RAMP3: variants seen among roughly 807,000 people sequenced by gnomAD.
RAMP3 encodes the protein receptor activity modifying protein 3.
RAMP3 carries 14 observed loss-of-function variants against 13.5 expected under a neutral mutation model. The ratio of observed to expected loss-of-function variants is 1.04; its 90% CI spans 0.69 to 1.63. The LOEUF is 1.63. RAMP3 is among the 40% of genes most tolerant of loss of function. RAMP3 has a pLI of 0.00. For synonymous variants in RAMP3, 106 were observed against 88.3 expected, an observed-to-expected ratio of 1.20 and a Z score of -1.12; for missense variants, 200 against 204.8, an observed-to-expected ratio of 0.98 and a Z score of 0.14.
At chr7:45,177,855 C>A (rs1279539185) in intron 2 of RAMP3, among the ~76,000 whole-genome samples, 1 of 152,228 alleles carries the variant, frequency 6.6e-6, no homozygotes, top group African/African-American at 2.4e-5. Context: ...GGAATCCTCC[C>A]CATGCCTGCT....
rs1786070756 is a variant in RAMP3 at position 45,170,991 on chromosome 7, A to G, written c.59-6318A>G. 1.3e-5 allele frequency among the ~76,000 whole-genome samples: 2 copies of G among 151,716 alleles called. 1 individual carries two copies. Among genetic ancestry groups the G allele is most frequent in the South Asian group, 4.2e-4 (2 of 4,814 alleles). ...TTTCTCCAAGTACTGTTTTAGCTGC[A>G]TCTCTCTAAGTTTTGGTATGTTGTG... On this transcript the variant is annotated intron_variant, in intron 1 of 2. Coordinates refer to ENST00000242249, the MANE Select transcript of RAMP3 (RefSeq NM_005856.3).
In RAMP3 at chr7:45,167,574, TA is replaced by T. The variant is rs1420219970; in HGVS notation, c.58+9689del. Among the ~76,000 whole-genome samples, 1,095 of 142,644 alleles carry T rather than the reference TA, an allele frequency of 7.7e-3. 11 individuals are homozygous for T. Among genetic ancestry groups the T allele is most frequent in the African/African-American group, 0.028 (1,028 of 36,178 alleles). The allele number at this position is 142,644 out of a possible 152,430, so 93.6% of individuals were successfully genotyped here. On this transcript the variant is annotated intron_variant, in intron 1 of 2. Transcript: ENST00000242249. ...AACTTTGTTCTTTTTTTTTTTTTTT[TA>T]TTTTTGAGACGGAGTTTCATTCTTG...
At chr7:45,167,930 C>T (rs1236675344) in intron 1 of RAMP3, among the ~76,000 whole-genome samples, 3 of 152,080 alleles carry the variant, frequency 2.0e-5, no homozygotes, top group South Asian at 2.1e-4. Flanking sequence ...TTGTGTCCCT[C>T]GCTTTTCCAT....
At chr7:45,177,217 T>C in intron 1 of RAMP3, 92 bp from the exon 2 acceptor site, 1 of 1,533,238 alleles carries the variant, frequency 6.5e-7, no homozygotes, top group Non-Finnish European at 8.9e-7. Flanking sequence ...GCCTTGCTAG[T>C]GAGTACTCAA....
chr7:45,163,304 G>T, intron 1 of RAMP3: 12 of 985,440 alleles, frequency 1.2e-5, no homozygotes, highest in Non-Finnish European at 1.4e-5. Flanking sequence ...GTTCATGAAT[G>T]GTGGTCCCTA....
chr7:45,176,377 G>T (rs528655525), intron 1 of RAMP3, among the ~76,000 whole-genome samples: 4 of 144,422 alleles, frequency 2.8e-5, no homozygotes, highest in Non-Finnish European at 4.5e-5. Context: ...AGATGGCAGG[G>T]CTGTGTACCT....
intron 1 of RAMP3, among the ~76,000 whole-genome samples, chr7:45,159,133 T>C (rs372759636): frequency 1.6e-4 from 24 of 152,238 alleles, no homozygotes; most frequent in African/African-American, 5.5e-4. Flanking sequence ...ATCCTGTCTC[T>C]CGTGGACCCA....
At chr7:45,166,936 C>T (rs1450985034) in intron 1 of RAMP3, among the ~76,000 whole-genome samples, 1 of 137,994 alleles carries the variant, frequency 7.2e-6, no homozygotes, top group East Asian at 2.0e-4. Context: ...TATAATTTAG[C>T]TCTACATGTA....
chr7:45,178,853 G>A (rs935975881), intron 2 of RAMP3, among the ~76,000 whole-genome samples: 1 of 152,238 alleles, frequency 6.6e-6, no homozygotes, highest in Non-Finnish European at 1.5e-5. Flanking sequence ...TGGGCATTTA[G>A]GAGCCAGTGA....
At chr7:45,162,725 G>A (rs1036330699) in intron 1 of RAMP3, among the ~76,000 whole-genome samples, 7 of 152,190 alleles carry the variant, frequency 4.6e-5, no homozygotes, top group South Asian at 2.1e-4. Context: ...CCTGGCTGAA[G>A]GGAAAGAGAA....
At chr7:45,167,986 C>A (rs1329077144) in intron 1 of RAMP3, among the ~76,000 whole-genome samples, 1 of 152,108 alleles carries the variant, frequency 6.6e-6, no homozygotes, top group Non-Finnish European at 1.5e-5. Flanking sequence ...GGGCCAGCTG[C>A]GATTTTGATA....
At chr7:45,163,144 C>A (rs555381809) in intron 1 of RAMP3, 2 of 984,840 alleles carry the variant, frequency 2.0e-6, no homozygotes, top group African/African-American at 3.5e-5. Flanking sequence ...CCAGAGGCTC[C>A]CATGCAATAG....
intron 1 of RAMP3, among the ~76,000 whole-genome samples, chr7:45,174,052 A>T (rs1786131558): frequency 6.6e-6 from 1 of 152,036 alleles, no homozygotes; most frequent in Non-Finnish European, 1.5e-5. Flanking sequence ...CTCCCAGCTG[A>T]GGAAATGGAC....
At chr7:45,168,406 CAAAA>C (rs71030854) in intron 1 of RAMP3, among the ~76,000 whole-genome samples, 4 of 70,384 alleles carry the variant, frequency 5.7e-5, no homozygotes, top group Admixed American at 3.9e-4. Context: ...ACTCTGTTTC[CAAAA>C]AAAAAAAAAA....
chr7:45,175,259 TG>T (rs1264135743), intron 1 of RAMP3, among the ~76,000 whole-genome samples: 1 of 152,178 alleles, frequency 6.6e-6, no homozygotes, highest in African/African-American at 2.4e-5. Context: ...AGCCAGTCAC[TG>T]ACCCTGTGTC....
At chr7:45,159,731 G>A in intron 1 of RAMP3, among the ~76,000 whole-genome samples, 1 of 152,204 alleles carries the variant, frequency 6.6e-6, no homozygotes, top group East Asian at 1.9e-4. Flanking sequence ...ATTCCATTCA[G>A]TTTAGTCCCT....
At chr7:45,176,985 T>C (rs1786200030) in intron 1 of RAMP3, among the ~76,000 whole-genome samples, 1 of 152,214 alleles carries the variant, frequency 6.6e-6, no homozygotes, top group Admixed American at 6.5e-5. Flanking sequence ...TTGCCAGCCC[T>C]GATCTGCCTG....
chr7:45,166,010 A>G (rs1428775366), intron 1 of RAMP3, among the ~76,000 whole-genome samples: 1 of 152,222 alleles, frequency 6.6e-6, no homozygotes, highest in Non-Finnish European at 1.5e-5. Flanking sequence ...CTGTGTGTGA[A>G]CATGTGCGGT....
intron 1 of RAMP3, among the ~76,000 whole-genome samples, chr7:45,167,167 T>C (rs6968022): frequency 0.28 from 42,919 of 151,628 alleles, 6,994 homozygotes; most frequent in African/African-American, 0.45. Context: ...GTGTGTTAGC[T>C]AGGATGGTCT....
Sources: allele counts gnomAD v4.1 joint callset (sites outside exome capture counted in the v4.1 genomes callset), GRCh38; gene constraint gnomAD v4.1.1; transcripts MANE v1.5; gene names NCBI Gene and HGNC (gene_info 2026-07-23, HGNC 2026-07-21).